The following REEP1 variants were observed in gnomAD, a reference collection of about 807,000 sequenced individuals.
REEP1 encodes receptor expression-enhancing protein 1.
REEP1 carries 22 observed loss-of-function variants against 40.3 expected under a neutral mutation model. That is an observed-to-expected ratio of 0.55 (90% CI 0.39 to 0.78). The LOEUF (loss-of-function observed/expected upper bound fraction) is 0.78, where lower values mean the gene tolerates loss of function less well. Among genes scored for constraint, REEP1 ranks in the 30% least tolerant of loss-of-function variants. REEP1 has a pLI of 0.00. For synonymous variants in REEP1, 116 were observed against 139.2 expected (o/e 0.83, Z 1.17); for missense variants, 280 against 361.1 (o/e 0.78, Z 1.82).
chr2:86,291,341 G>A (rs1261560343), intron 1 of REEP1, among the ~76,000 whole-genome samples: 1 of 152,148 alleles, frequency 6.6e-6, no homozygotes, highest in Admixed American at 6.5e-5. Flanking sequence ...ATAATTTTAG[G>A]GTTTCAAGCA....
At chr2:86,301,518 G>C (rs1391921422) in intron 1 of REEP1, among the ~76,000 whole-genome samples, 1 of 152,158 alleles carries the variant, frequency 6.6e-6, no homozygotes, top group Non-Finnish European at 1.5e-5. Flanking sequence ...AGGATTAAAT[G>C]AAACAAGAGT....
intron 1 of REEP1, among the ~76,000 whole-genome samples, chr2:86,336,449 TCAGA>T (rs1681037449): frequency 6.6e-6 from 1 of 152,054 alleles, no homozygotes; most frequent in Admixed American, 6.5e-5. Context: ...CCCCGTGTTC[TCAGA>T]CAAAGAAAAA....
intron 1 of REEP1, among the ~76,000 whole-genome samples, chr2:86,305,934 G>C (rs982095533): frequency 1.3e-5 from 2 of 152,132 alleles, no homozygotes; most frequent in Non-Finnish European, 2.9e-5. Context: ...CGGGCCACTC[G>C]CCTGCTCGTA....
chr2:86,250,717 C>CA (rs71377068), intron 5 of REEP1, among the ~76,000 whole-genome samples: 61,619 of 151,814 alleles, frequency 0.41, 14,381 homozygotes, highest in East Asian at 0.66. Flanking sequence ...AGGAATCATT[C>CA]ATTTTTGGTT....
chr2:86,296,782 G>A (rs1462289224), intron 1 of REEP1, among the ~76,000 whole-genome samples: 9 of 152,112 alleles, frequency 5.9e-5, no homozygotes, highest in Non-Finnish European at 1.3e-4. Flanking sequence ...GCTTGAACTG[G>A]GGAGGTGGAG....
At chr2:86,307,201 C>CA (rs11289279) in intron 1 of REEP1, among the ~76,000 whole-genome samples, 375 of 108,598 alleles carry the variant, frequency 3.5e-3, no homozygotes, top group South Asian at 0.012. Context: ...AATACTGTGT[C>CA]AAAAAAAAAA....
chr2:86,221,660 C>G (rs567749172), intron 7 of REEP1, among the ~76,000 whole-genome samples: 1 of 152,262 alleles, frequency 6.6e-6, no homozygotes, highest in Non-Finnish European at 1.5e-5. Context: ...CAGAAGGCAT[C>G]CTGAGACTGG....
intron 5 of REEP1, among the ~76,000 whole-genome samples, chr2:86,237,305 A>G (rs1675414144): frequency 6.6e-6 from 1 of 152,216 alleles, no homozygotes; most frequent in Non-Finnish European, 1.5e-5. Flanking sequence ...CAAAACTGGC[A>G]TGAATGAAAA....
At chr2:86,239,765 A>G (rs1219271888) in intron 5 of REEP1, among the ~76,000 whole-genome samples, 1 of 152,232 alleles carries the variant, frequency 6.6e-6, no homozygotes, top group Non-Finnish European at 1.5e-5. Flanking sequence ...TAAACAAAGA[A>G]AAGAAAAAAC....
At chr2:86,229,891 C>T (rs997666928) in intron 6 of REEP1, among the ~76,000 whole-genome samples, 2 of 152,110 alleles carry the variant, frequency 1.3e-5, no homozygotes, top group East Asian at 3.9e-4. Flanking sequence ...GGATTACAGG[C>T]GTGAACCACT....
rs1674073168 is a variant in REEP1 at position 86,215,690 on chromosome 2, G to A, written c.*1349C>T. 6.6e-6 allele frequency: 1 copy of A among 152,610 alleles called. No homozygotes were observed. The highest frequency in any genetic ancestry group is 1.5e-5 in the Non-Finnish European group (1 of 68,030). The allele number at this position is 152,610 out of a possible 1,614,324, so 9.5% of individuals were successfully genotyped here. ...TCGGACCACAATGCCATTTAAACCAGATTCTTTTCAAATAAAATTCTCAAT... is the reference window on the plus strand; with the variant it reads ...TCGGACCACAATGCCATTTAAACCAAATTCTTTTCAAATAAAATTCTCAAT... On this transcript the variant is annotated 3_prime_UTR_variant, in exon 9 of 9. Transcript: ENST00000538924.
intron 1 of REEP1, among the ~76,000 whole-genome samples, chr2:86,332,220 C>G (rs2104545911): frequency 6.6e-6 from 1 of 152,146 alleles, no homozygotes; most frequent in Non-Finnish European, 1.5e-5. Context: ...TTCCCAAGGC[C>G]CAGAATCGAG....
intron 5 of REEP1, 23 bp downstream of exon 5, chr2:86,251,934 T>C (rs1676299011): frequency 1.3e-6 from 2 of 1,514,508 alleles, no homozygotes. Context: ...ACTCATGTAG[T>C]TGTGGTACTT....
At chr2:86,331,275 C>A (rs994130475) in intron 1 of REEP1, among the ~76,000 whole-genome samples, 1 of 152,124 alleles carries the variant, frequency 6.6e-6, no homozygotes, top group East Asian at 1.9e-4. Flanking sequence ...GTTTGGGTCA[C>A]CTGCCCACCT....
intron 5 of REEP1, among the ~76,000 whole-genome samples, chr2:86,237,970 T>G (rs1244108228): frequency 2.0e-5 from 3 of 151,930 alleles, no homozygotes; most frequent in Non-Finnish European, 4.4e-5. Flanking sequence ...TCACCTGAGG[T>G]CGGGAGTTTG....
At chr2:86,281,172 C>A (rs1214097436) in intron 2 of REEP1, among the ~76,000 whole-genome samples, 93 of 152,294 alleles carry the variant, frequency 6.1e-4, no homozygotes, top group African/African-American at 2.0e-3. Context: ...AGGTCTTTCT[C>A]AGTCAGCGGT....
chr2:86,331,547 G>A (rs1680763404), intron 1 of REEP1, among the ~76,000 whole-genome samples: 3 of 152,132 alleles, frequency 2.0e-5, no homozygotes, highest in African/African-American at 7.2e-5. Flanking sequence ...GGCGGGGAAT[G>A]TAGTATAGAT....
intron 2 of REEP1, among the ~76,000 whole-genome samples, chr2:86,266,804 G>A (rs1240072861): frequency 6.6e-6 from 1 of 151,044 alleles, no homozygotes; most frequent in African/African-American, 2.4e-5. Flanking sequence ...TCAGGAGATC[G>A]AGACCATCCT....
At chr2:86,303,274 T>C (rs899055422) in intron 1 of REEP1, among the ~76,000 whole-genome samples, 8 of 132,424 alleles carry the variant, frequency 6.0e-5, no homozygotes, top group Non-Finnish European at 1.2e-4. Context: ...TGGAGTGCAG[T>C]GGCATGATCT....
Sources: allele counts gnomAD v4.1 joint callset (sites outside exome capture counted in the v4.1 genomes callset), GRCh38; gene constraint gnomAD v4.1.1; transcripts MANE v1.5; gene names NCBI Gene and HGNC (gene_info 2026-07-23, HGNC 2026-07-21).